The following ATP8A2 variants were observed in gnomAD, a reference collection of about 807,000 sequenced individuals.
ATP8A2 encodes the protein ATPase phospholipid transporting 8A2, also known as phospholipid-transporting ATPase IB.
ATP8A2 carries 100 observed loss-of-function variants against 165.6 expected under a neutral mutation model. The ratio of observed to expected loss-of-function variants is 0.60; its 90% CI spans 0.51 to 0.71. The LOEUF is 0.71. Among genes scored for constraint, ATP8A2 ranks in the 30% least tolerant of loss-of-function variants. The pLI, the probability that ATP8A2 is intolerant of heterozygous loss-of-function variation, is 0.00. For missense variants in ATP8A2, 1,227 were observed against 1,479.5 expected (o/e 0.83, Z 2.80); for synonymous variants, 543 against 548.8 (o/e 0.99, Z 0.15).
At chr13:25,671,578 T>A (rs2042263845) in intron 24 of ATP8A2, among the ~76,000 whole-genome samples, 1 of 152,158 alleles carries the variant, frequency 6.6e-6, no homozygotes, top group South Asian at 2.1e-4. Context: ...GGTCGTCTCT[T>A]ATGGTCGAGA....
chr13:25,999,194 C>T (rs1271262323), intron 35 of ATP8A2, among the ~76,000 whole-genome samples: 1 of 152,122 alleles, frequency 6.6e-6, no homozygotes, highest in Admixed American at 6.5e-5. Flanking sequence ...AAAAACATAA[C>T]AAAAAGTGTA....
At chr13:25,552,351 G>A (rs997497496) in intron 11 of ATP8A2, among the ~76,000 whole-genome samples, 2 of 151,988 alleles carry the variant, frequency 1.3e-5, no homozygotes, top group African/African-American at 4.8e-5. Flanking sequence ...TTCTTCCTTT[G>A]GATTTAACAG....
At position 25,446,248 on chromosome 13, in the gene ATP8A2, A is replaced by G. The variant is rs142583151; in HGVS notation, c.77-22729A>G. Among the ~76,000 whole-genome samples the G allele has an allele frequency of 7.6e-4, 115 of 152,262 alleles. 1 individual carries two copies. The highest frequency in any genetic ancestry group is 2.7e-3 in the African/African-American group (112 of 41,556). ...GAAAGACCAGCTGTGCTATTTCTGA[A>G]TGCATGGCTCATAACTCTAATGGTG... On this transcript the variant is annotated intron_variant, in intron 1 of 36. Coordinates refer to ENST00000381655, the MANE Select transcript of ATP8A2 (RefSeq NM_016529.6).
At chr13:25,812,228 A>G (rs143471328) in intron 27 of ATP8A2, among the ~76,000 whole-genome samples, 1 of 151,198 alleles carries the variant, frequency 6.6e-6, no homozygotes, top group African/African-American at 2.4e-5. Context: ...CATTTGTTTA[A>G]TACTCTCAAG....
rs139569056 is a variant in ATP8A2, at chr13:25,890,149, G to A, written c.3183+27741G>A. On this transcript the variant is annotated intron_variant, in intron 33 of 36. Coordinates refer to ENST00000381655, the MANE Select transcript of ATP8A2 (RefSeq NM_016529.6). ...TGCCCTCCAGCCTGGGTGACGGCGCGAGACTCTGTCTCAAAAAAAAGAAAA... is the reference window on the plus strand; with the variant it reads ...TGCCCTCCAGCCTGGGTGACGGCGCAAGACTCTGTCTCAAAAAAAAGAAAA... Among the ~76,000 whole-genome samples the A allele has an allele frequency of 3.7e-3, 562 of 152,080 alleles. 1 individual carries two copies. Among genetic ancestry groups the A allele is most frequent in the African/African-American group, 0.013 (540 of 41,480 alleles).
At chr13:25,405,863 T>C (rs2033785582) in intron 1 of ATP8A2, among the ~76,000 whole-genome samples, 1 of 152,246 alleles carries the variant, frequency 6.6e-6, no homozygotes, top group Non-Finnish European at 1.5e-5. Flanking sequence ...GATTTATCCA[T>C]AGGCACACAG....
intron 33 of ATP8A2, among the ~76,000 whole-genome samples, chr13:25,959,523 T>C (rs1402028124): frequency 6.6e-6 from 1 of 152,186 alleles, no homozygotes. Flanking sequence ...AAATGTGTAA[T>C]AAAGATGTGT....
chr13:25,600,854 C>A (rs1169335758), intron 24 of ATP8A2, among the ~76,000 whole-genome samples: 1 of 152,068 alleles, frequency 6.6e-6, no homozygotes, highest in East Asian at 1.9e-4. Context: ...AAATAAATAC[C>A]GAAGCCAGCA....
chr13:25,488,965 G>T lies in ATP8A2; in HGVS notation c.221+19844G>T, dbSNP rs145519492. ...TAGGTTGGGATACACCAGGACCAGG[G>T]TACAGAGTCATAGTGCCCAGGAGGA... is the stretch of plus-strand genomic sequence containing the variant. On this transcript the variant is annotated intron_variant, in intron 2 of 36. Coordinates refer to ENST00000381655, the MANE Select transcript of ATP8A2 (RefSeq NM_016529.6). 5.2e-3 allele frequency among the ~76,000 whole-genome samples: 782 copies of T among 149,272 alleles called. 5 individuals are homozygous for T. The highest frequency in any genetic ancestry group is 0.019 in the African/African-American group (755 of 40,450).
At chr13:25,762,599 T>A (rs941922195) in intron 25 of ATP8A2, among the ~76,000 whole-genome samples, 10 of 152,032 alleles carry the variant, frequency 6.6e-5, no homozygotes, top group Non-Finnish European at 1.5e-4. Context: ...TAGAACTGTA[T>A]TTTTTTTCTA....
chr13:25,880,499 C>T (rs1952951271), intron 33 of ATP8A2, among the ~76,000 whole-genome samples: 1 of 152,106 alleles, frequency 6.6e-6, no homozygotes, highest in South Asian at 2.1e-4. Context: ...GAAAGTTGCT[C>T]TCCAGCCATA....
intron 1 of ATP8A2, among the ~76,000 whole-genome samples, chr13:25,384,934 A>ATGGGTGGGACATGCCCCGGGT (rs1460151864): frequency 2.6e-5 from 4 of 152,158 alleles, no homozygotes; most frequent in Non-Finnish European, 5.9e-5. Flanking sequence ...AAGTGCAGGG[A>ATGGGTGGGACATGCCCCGGGT]TGGGTGGGAC....
chr13:25,524,886 A>ACTTCCTTCCTTCCTTCCTTCCTTC (rs58154499), intron 2 of ATP8A2, among the ~76,000 whole-genome samples: 4 of 141,620 alleles, frequency 2.8e-5, no homozygotes, highest in African/African-American at 8.0e-5. Context: ...TTGTTTGATA[A>ACTTCCTTCCTTCCTTCCTTCCTTC]CTTCCTTCCT....
chr13:25,895,119 CA>C lies in ATP8A2; in HGVS notation c.3183+32716del, dbSNP rs767115773. ...GGCATCCCTGTCTTGTGCCATTTTTCAAAAAGAATGCTTCCAGTTTTTGTCC... is the reference window on the plus strand; with the variant it reads ...GGCATCCCTGTCTTGTGCCATTTTTCAAAAGAATGCTTCCAGTTTTTGTCC... On this transcript the variant is annotated intron_variant, in intron 33 of 36. Transcript: ENST00000381655. 2.9e-3 allele frequency among the ~76,000 whole-genome samples: 447 copies of C among 152,256 alleles called. 2 individuals are homozygous for C. The highest frequency in any genetic ancestry group is 5.2e-3 in the Non-Finnish European group (351 of 68,036).
At chr13:25,385,887 C>G (rs1386236420) in intron 1 of ATP8A2, among the ~76,000 whole-genome samples, 1 of 151,046 alleles carries the variant, frequency 6.6e-6, no homozygotes, top group African/African-American at 2.4e-5. Flanking sequence ...GAGATGAGGT[C>G]TCCCTGTGTT....
intron 1 of ATP8A2, among the ~76,000 whole-genome samples, chr13:25,460,545 T>C (rs905611952): frequency 6.6e-6 from 1 of 152,224 alleles, no homozygotes; most frequent in Admixed American, 6.5e-5. Context: ...GTTTTAGATA[T>C]GAAATACATT....
intron 30 of ATP8A2, among the ~76,000 whole-genome samples, chr13:25,851,088 A>G (rs947191958): frequency 5.3e-5 from 8 of 152,148 alleles, no homozygotes; most frequent in African/African-American, 1.9e-4. Flanking sequence ...CTATTTCCAG[A>G]TGGTGTTAGC....
chr13:25,943,683 A>AT (rs954605960), intron 33 of ATP8A2, among the ~76,000 whole-genome samples: 19 of 152,218 alleles, frequency 1.2e-4, no homozygotes, highest in Non-Finnish European at 2.9e-5. Context: ...TGCCTGTATG[A>AT]TTTGAAAACG....
intron 33 of ATP8A2, among the ~76,000 whole-genome samples, chr13:25,906,912 G>A (rs1953953378): frequency 6.6e-6 from 1 of 152,162 alleles, no homozygotes; most frequent in South Asian, 2.1e-4. Flanking sequence ...TCACGAAACT[G>A]TTTATTGTAT....
Sources: gnomAD v4.1 joint callset for allele counts (sites outside exome capture counted in the v4.1 genomes callset) on GRCh38, gnomAD v4.1.1 for gene constraint, MANE v1.5 for transcripts, NCBI Gene and HGNC (gene_info 2026-07-23, HGNC 2026-07-21) for gene names.